The following CDH12 variants were observed in gnomAD, a reference collection of about 807,000 sequenced individuals.
The protein encoded by CDH12 is cadherin-12.
In CDH12, 41 loss-of-function variants were observed where a neutral mutation model predicts 74.1. That is an observed-to-expected ratio of 0.55 (90% confidence interval 0.43 to 0.72). The LOEUF (loss-of-function observed/expected upper bound fraction) is 0.72. CDH12 is among the 30% of genes least tolerant of loss of function. The probability of loss-of-function intolerance (pLI) is 0.00; values close to 1 mark genes in which losing one functional copy is unlikely to be tolerated. For missense variants in CDH12, 945 were observed against 977.2 expected (o/e 0.97, Z 0.44); for synonymous variants, 399 against 355.0 (o/e 1.12, Z -1.39).
chr5:22,005,906 T>G (rs1736926949), intron 5 of CDH12, among the ~76,000 whole-genome samples: 1 of 152,210 alleles, frequency 6.6e-6, no homozygotes. Flanking sequence ...CCTTAGAACT[T>G]CTAGTGCCAA....
Position 22,029,121 on chromosome 5 carries a change from T to A in CDH12, c.231+49325A>T, listed in dbSNP as rs1738615196. On this transcript the variant is annotated intron_variant, in intron 5 of 14. Transcript: ENST00000382254. ...TTAACAAAAATTATTTCAAGATGGA[T>A]TAAAGACTTAAATGTTATACCTAAA... is the stretch of plus-strand genomic sequence containing the variant. 2.6e-5 allele frequency among the ~76,000 whole-genome samples: 4 copies of A among 152,278 alleles called. No homozygotes were observed. In the South Asian group the frequency reaches 6.2e-4, roughly 24 times the overall value.
intron 3 of CDH12, among the ~76,000 whole-genome samples, chr5:22,293,812 T>C (rs1198366881): frequency 6.6e-6 from 1 of 151,930 alleles, no homozygotes; most frequent in East Asian, 1.9e-4. Flanking sequence ...AAGTAGAGAG[T>C]AGGATGGTGG....
chr5:22,622,032 A>G lies in CDH12; in HGVS notation c.-522-116668T>C, dbSNP rs1052419170. Among the ~76,000 whole-genome samples the G allele has an allele frequency of 2.0e-5, 3 of 152,134 alleles. No homozygotes were observed. The East Asian group carries it at 5.8e-4, about 29-fold the overall frequency. The stretch of plus-strand genomic sequence containing the variant: ...GGTTTAAAAATAAAAATTGATACAC[A>G]TTTCTTAAGAAAGCTAAACTGTAGG... On this transcript the variant is annotated intron_variant, in intron 1 of 14. Coordinates refer to ENST00000382254, the MANE Select transcript of CDH12 (RefSeq NM_004061.5).
intron 6 of CDH12, among the ~76,000 whole-genome samples, chr5:21,961,593 C>T (rs1756367834): frequency 6.6e-6 from 1 of 152,024 alleles, no homozygotes; most frequent in Admixed American, 6.6e-5. Flanking sequence ...AAAATGGGAT[C>T]ATTAGAGTGG....
At chr5:22,174,101 A>G (rs1259321096) in intron 4 of CDH12, among the ~76,000 whole-genome samples, 1 of 152,044 alleles carries the variant, frequency 6.6e-6, no homozygotes, top group Non-Finnish European at 1.5e-5. Context: ...TAAGTAGATC[A>G]ATAATTGTTA....
intron 6 of CDH12, among the ~76,000 whole-genome samples, chr5:21,928,228 G>T (rs572758363): frequency 6.6e-6 from 1 of 151,860 alleles, no homozygotes; most frequent in Non-Finnish European, 1.5e-5. Flanking sequence ...GACCTAGAGC[G>T]GGCTTCAAGG....
chr5:22,614,150 A>G (rs268969), intron 1 of CDH12, among the ~76,000 whole-genome samples: 84,928 of 151,864 alleles, frequency 0.56, 24,083 homozygotes, highest in East Asian at 0.68. Flanking sequence ...GGAAGATCAG[A>G]TTTCATTTAT....
chr5:21,861,986 T>C (rs962021534), intron 6 of CDH12, among the ~76,000 whole-genome samples: 7 of 151,932 alleles, frequency 4.6e-5, no homozygotes, highest in African/African-American at 1.4e-4. Context: ...GTCTATCTGT[T>C]GAAAGGTTAA....
At position 22,447,268 on chromosome 5, in the gene CDH12, T is replaced by G. The variant is rs185878613; in HGVS notation, c.-427-41917A>C. Among the ~76,000 whole-genome samples, 6 of 152,204 alleles carry G rather than the reference T, an allele frequency of 3.9e-5. No homozygotes were observed. In the East Asian group the frequency reaches 1.2e-3, roughly 29 times the overall value. ...ATATCTTTTATTACATTATTCTTCTTTTTCTTCTTCTTCTTATTTCTTACA... is the reference window on the plus strand; with the variant it reads ...ATATCTTTTATTACATTATTCTTCTGTTTCTTCTTCTTCTTATTTCTTACA... On this transcript the variant is annotated intron_variant, in intron 2 of 14. Transcript: ENST00000382254.
In CDH12 at chr5:21,854,738, T is replaced by G. The variant is rs775532272; in HGVS notation, c.579A>C (p.Gly193=). The change falls in exon 7 of 15, where the codon GGA becomes GGC. Residue 193 remains glycine (G), a synonymous_variant. Coordinates refer to ENST00000382254, the MANE Select transcript of CDH12 (RefSeq NM_004061.5). The part of the protein sequence containing the change: ...KATDADDPTY[G]NSARVVYSIL... The stretch of plus-strand genomic sequence containing the variant: ...TGCTGTAAACGACTCTGGCACTGTT[T>G]CCATAGGTCGGGTCATCTGCATCTG... The G allele has an allele frequency of 1.1e-5, 17 of 1,609,702 alleles. No homozygotes were observed. In the South Asian group the frequency reaches 1.9e-4, roughly 18 times the overall value.
intron 2 of CDH12, among the ~76,000 whole-genome samples, chr5:22,417,093 G>C (rs1483780666): frequency 6.6e-6 from 1 of 152,022 alleles, no homozygotes; most frequent in African/African-American, 2.4e-5. Flanking sequence ...TTACCAATTA[G>C]ATATTAAAAC....
intron 1 of CDH12, among the ~76,000 whole-genome samples, chr5:22,748,718 G>A (rs1043303853): frequency 6.6e-6 from 1 of 152,166 alleles, no homozygotes; most frequent in Non-Finnish European, 1.5e-5. Flanking sequence ...AGACTGTAGC[G>A]ATTGTAATGA....
chr5:21,860,411 G>C (rs1427161684), intron 6 of CDH12, among the ~76,000 whole-genome samples: 2 of 150,674 alleles, frequency 1.3e-5, no homozygotes, highest in African/African-American at 5.0e-5. Context: ...TTCAGGAGTT[G>C]TGTATGGGTT....
chr5:22,338,216 A>G (rs1353525753), intron 3 of CDH12, among the ~76,000 whole-genome samples: 6 of 152,230 alleles, frequency 3.9e-5, no homozygotes, highest in Admixed American at 3.3e-4. Context: ...GTACTTATAC[A>G]TGATGGAGTA....
chr5:22,096,662 C>T (rs750568965), intron 4 of CDH12, among the ~76,000 whole-genome samples: 1 of 152,044 alleles, frequency 6.6e-6, no homozygotes, highest in African/African-American at 2.4e-5. Flanking sequence ...GAGCTAAAGG[C>T]ATAGTTAAGT....
At chr5:21,857,538 G>C (rs1357882226) in intron 6 of CDH12, among the ~76,000 whole-genome samples, 29 of 151,854 alleles carry the variant, frequency 1.9e-4, no homozygotes, top group Admixed American at 1.7e-3. Context: ...TTATTTTATA[G>C]TAATAACTAT....
At chr5:21,923,566 T>C (rs947077032) in intron 6 of CDH12, among the ~76,000 whole-genome samples, 1 of 152,164 alleles carries the variant, frequency 6.6e-6, no homozygotes, top group Non-Finnish European at 1.5e-5. Flanking sequence ...AGGGTATCTG[T>C]TATGTTTCTT....
In CDH12 at chr5:22,104,202, T is replaced by C. The variant is rs565841428; in HGVS notation, c.-186-25340A>G. The stretch of plus-strand genomic sequence containing the variant: ...TTGAGTATACCATACAAAATAAATA[T>C]TTATCTGTTATAGCCATAATGTATT... On this transcript the variant is annotated intron_variant, in intron 4 of 14. Coordinates refer to ENST00000382254, the MANE Select transcript of CDH12 (RefSeq NM_004061.5). 3.9e-5 allele frequency among the ~76,000 whole-genome samples: 6 copies of C among 152,316 alleles called. No individual in the cohort carries two copies. In the South Asian group the frequency reaches 1.2e-3, roughly 32 times the overall value.
chr5:21,891,171 C>T (rs2150044180), intron 6 of CDH12, among the ~76,000 whole-genome samples: 1 of 152,066 alleles, frequency 6.6e-6, no homozygotes, highest in East Asian at 1.9e-4. Context: ...TATTTGCAAT[C>T]AATTATCTAA....
Sources: gnomAD v4.1 joint callset for allele counts (sites outside exome capture counted in the v4.1 genomes callset) on GRCh38, gnomAD v4.1.1 for gene constraint, MANE v1.5 for transcripts, NCBI Gene and HGNC (gene_info 2026-07-23, HGNC 2026-07-21) for gene names.